The following CABLES1 variants were observed in gnomAD, a reference collection of about 807,000 sequenced individuals.
The protein encoded by CABLES1 is Cdk5 and Abl enzyme substrate 1.
CABLES1 carries 36 observed loss-of-function variants against 57.8 expected under a neutral mutation model. The ratio of observed to expected loss-of-function variants is 0.62; its 90% confidence interval spans 0.48 to 0.82. The LOEUF (loss-of-function observed/expected upper bound fraction) is 0.82. CABLES1 is among the 40% of genes least tolerant of loss of function. The probability of loss-of-function intolerance (pLI) is 0.00; values close to 1 mark genes in which losing one functional copy is unlikely to be tolerated. For missense variants in CABLES1, 767 were observed against 836.6 expected (o/e 0.92, Z 1.03); for synonymous variants, 374 against 363.0 (o/e 1.03, Z -0.35).
At chr18:23,145,133 C>T (rs917212490) in intron 1 of CABLES1, among the ~76,000 whole-genome samples, 10 of 152,088 alleles carry the variant, frequency 6.6e-5, no homozygotes, top group East Asian at 3.9e-4. Flanking sequence ...GACGGGGTTT[C>T]GCCATGTTGG....
rs545213188 is a variant in CABLES1 at position 23,236,226 on chromosome 18, T to C, written c.1342+175T>C. On this transcript the variant is annotated intron_variant, in intron 6 of 9. Coordinates refer to ENST00000256925, the MANE Select transcript of CABLES1 (RefSeq NM_001100619.3). ...GGCCCGCAATGAAGCCGCAGGTGAT[T>C]TCTCTCTAATCAGATGACCCAGTCG... Among the ~76,000 whole-genome samples the C allele has an allele frequency of 3.9e-5, 6 of 152,274 alleles. No individual in the cohort carries two copies. In the East Asian group the frequency reaches 1.2e-3, roughly 29 times the overall value.
rs2048201438 is a variant in CABLES1 at position 23,257,730 on chromosome 18, T to C, written c.*363T>C. The C allele has an allele frequency of 5.3e-6, 1 of 188,656 alleles. No homozygotes were observed. Among genetic ancestry groups the C allele is most frequent in the African/African-American group, 2.3e-5 (1 of 42,790 alleles). The allele number at this position is 188,656 out of a possible 1,614,324, so 11.7% of individuals were successfully genotyped here. Reference sequence around the variant, plus strand: ...TCCAGATCTGTTCCAACTTGGAGTGTGAAGGGCTTGAGCATACGGGGGAAG... The same window carrying C: ...TCCAGATCTGTTCCAACTTGGAGTGCGAAGGGCTTGAGCATACGGGGGAAG... On this transcript the variant is annotated 3_prime_UTR_variant, in exon 10 of 10. Transcript: ENST00000256925.
chr18:23,203,535 G>A (rs186835545), intron 3 of CABLES1, among the ~76,000 whole-genome samples: 3 of 152,124 alleles, frequency 2.0e-5, no homozygotes, highest in African/African-American at 7.2e-5. Context: ...GATGGTAAAA[G>A]TACAGTGACT....
At chr18:23,149,627 T>C (rs1440755249) in intron 1 of CABLES1, 1 of 152,256 alleles carries the variant, frequency 6.6e-6, no homozygotes, top group African/African-American at 2.4e-5. Context: ...TGGATACGTC[T>C]GTTTTTGTTT....
intron 1 of CABLES1, among the ~76,000 whole-genome samples, chr18:23,165,446 A>G (rs747604660): frequency 6.6e-6 from 1 of 152,004 alleles, no homozygotes; most frequent in Non-Finnish European, 1.5e-5. Context: ...ATACATTCAC[A>G]TTGTTCTGCA....
intron 7 of CABLES1, among the ~76,000 whole-genome samples, chr18:23,245,538 G>A (rs2047855442): frequency 6.6e-6 from 1 of 151,132 alleles, no homozygotes; most frequent in Non-Finnish European, 1.5e-5. Context: ...AGGTATCAGT[G>A]TTTCTGCAGT....
At chr18:23,164,187 T>C (rs1482229224) in intron 1 of CABLES1, among the ~76,000 whole-genome samples, 1 of 152,252 alleles carries the variant, frequency 6.6e-6, no homozygotes, top group Non-Finnish European at 1.5e-5. Context: ...CTAAAGGCTC[T>C]TTTATTATGT....
chr18:23,148,525 C>T (rs1214480393), intron 1 of CABLES1, among the ~76,000 whole-genome samples: 6 of 152,190 alleles, frequency 3.9e-5, no homozygotes, highest in Admixed American at 1.3e-4. Context: ...ACTTCTATGT[C>T]GATTCTGCAC....
chr18:23,247,852 C>T (rs545529384), intron 7 of CABLES1, among the ~76,000 whole-genome samples: 63 of 152,382 alleles, frequency 4.1e-4, no homozygotes, highest in Middle Eastern at 3.4e-3. Context: ...CCTCGTCCTC[C>T]TGGTGCTGCC....
chr18:23,161,583 G>A (rs539296978), intron 1 of CABLES1, among the ~76,000 whole-genome samples: 3 of 150,188 alleles, frequency 2.0e-5, no homozygotes, highest in African/African-American at 4.9e-5. Context: ...CCTAACATAC[G>A]TATGTATCTG....
At chr18:23,191,247 T>TA (rs890589263) in intron 2 of CABLES1, among the ~76,000 whole-genome samples, 33 of 151,984 alleles carry the variant, frequency 2.2e-4, no homozygotes, top group Non-Finnish European at 3.1e-4. Flanking sequence ...AAAGAAAACT[T>TA]AAAAAAAAGA....
At chr18:23,212,772 G>T (rs1442213674) in intron 3 of CABLES1, among the ~76,000 whole-genome samples, 1 of 152,060 alleles carries the variant, frequency 6.6e-6, no homozygotes, top group Non-Finnish European at 1.5e-5. Flanking sequence ...GCACCAAAAA[G>T]GGAACAAAAA....
At chr18:23,236,142 G>A (rs1426419452) in intron 6 of CABLES1, 91 bp downstream of exon 6, 2 of 1,361,316 alleles carry the variant, frequency 1.5e-6, no homozygotes, top group Non-Finnish European at 2.0e-6. Flanking sequence ...GATGCAGACT[G>A]GAAGACAGGG....
At chr18:23,243,263 C>A (rs2015470655) in intron 7 of CABLES1, among the ~76,000 whole-genome samples, 1 of 151,862 alleles carries the variant, frequency 6.6e-6, no homozygotes, top group Admixed American at 6.6e-5. Flanking sequence ...AAGAAAATGT[C>A]ACATCACATT....
At chr18:23,173,130 TCAG>T (rs2047095044) in intron 1 of CABLES1, among the ~76,000 whole-genome samples, 1 of 152,320 alleles carries the variant, frequency 6.6e-6, no homozygotes, top group East Asian at 1.9e-4. Flanking sequence ...AATGTGGCTG[TCAG>T]CAGGTGCTGA....
rs757013390 is a variant in CABLES1 at position 23,235,986 on chromosome 18, G to A, written c.1277G>A (p.Arg426His). ...IDSTSSFSQFRNLSHRSLSIG... is the reference protein window; with the variant it reads ...IDSTSSFSQFHNLSHRSLSIG... ...TCCACCTCCTCTTTCTCCCAGTTCC[G>A]TAACCTGAGCCACCGCAGCCTCTCC... is the stretch of plus-strand genomic sequence containing the variant. Residue 426 changes from arginine (R) to histidine (H), a missense_variant, in exon 6 of 10, where the codon CGT (arginine) becomes CAT (histidine). Arg to His is a conservative substitution (Grantham distance 29, BLOSUM62 0). Coordinates refer to ENST00000256925, the MANE Select transcript of CABLES1 (RefSeq NM_001100619.3). The A allele has an allele frequency of 6.8e-6, 11 of 1,614,062 alleles. No individual in the cohort carries two copies. The highest frequency in any genetic ancestry group is 4.4e-5 in the South Asian group (4 of 91,090).
At chr18:23,226,995 A>T (rs542707631) in intron 4 of CABLES1, 1 of 152,264 alleles carries the variant, frequency 6.6e-6, no homozygotes, top group Admixed American at 6.5e-5. Context: ...TGCATCAGAG[A>T]CCATGTGATG....
At chr18:23,177,756 A>G (rs896053638) in intron 1 of CABLES1, among the ~76,000 whole-genome samples, 12 of 151,228 alleles carry the variant, frequency 7.9e-5, no homozygotes, top group Non-Finnish European at 1.6e-4. Context: ...TGTTAGAGGT[A>G]CTCTCTTCTC....
At chr18:23,154,826 A>G (rs1395453916) in intron 1 of CABLES1, among the ~76,000 whole-genome samples, 1 of 152,222 alleles carries the variant, frequency 6.6e-6, no homozygotes, top group Admixed American at 6.5e-5. Context: ...ACCTTCCTGA[A>G]CAAAACAGGT....
Sources: gnomAD v4.1 joint callset for allele counts (sites outside exome capture counted in the v4.1 genomes callset) on GRCh38, gnomAD v4.1.1 for gene constraint, MANE v1.5 for transcripts, NCBI Gene and HGNC (gene_info 2026-07-23, HGNC 2026-07-21) for gene names.